Variants in MAP4K3 observed in about 807,000 individuals in gnomAD.
MAP4K3 encodes the protein MAPK/ERK kinase kinase kinase 3.
Under a neutral mutation model 143.5 loss-of-function variants are expected in MAP4K3, and 94 were observed. The observed-to-expected ratio is 0.65, with a 90% CI of 0.55 to 0.78. The LOEUF (loss-of-function observed/expected upper bound fraction) is 0.78, where lower values mean the gene tolerates loss of function less well. Among genes scored for constraint, MAP4K3 ranks in the 30% least tolerant of loss-of-function variants. The probability of loss-of-function intolerance (pLI) is 0.00; values close to 1 mark genes in which losing one functional copy is unlikely to be tolerated. For synonymous variants in MAP4K3, 416 were observed against 347.2 expected (o/e 1.20, Z -2.20); for missense variants, 1,077 against 1,068.1 (o/e 1.01, Z -0.12).
chr2:39,353,174 A>G (rs1162468739), intron 3 of MAP4K3, among the ~76,000 whole-genome samples: 1 of 152,148 alleles, frequency 6.6e-6, no homozygotes, highest in Admixed American at 6.5e-5. Context: ...TTTATACCCC[A>G]CTTCATTTTC....
chr2:39,330,649 A>T (rs78584721), intron 8 of MAP4K3, among the ~76,000 whole-genome samples: 7,944 of 152,150 alleles, frequency 0.052, 235 homozygotes, highest in African/African-American at 0.078. Context: ...AAAAACAAAA[A>T]CAAAAATAAA....
intron 32 of MAP4K3, among the ~76,000 whole-genome samples, chr2:39,252,866 A>G (rs1331357893): frequency 6.6e-6 from 1 of 152,178 alleles, no homozygotes; most frequent in Non-Finnish European, 1.5e-5. Context: ...GTGATTACCA[A>G]TATATTTTGG....
chr2:39,304,521 G>C (rs573107636), intron 15 of MAP4K3, among the ~76,000 whole-genome samples: 66 of 152,278 alleles, frequency 4.3e-4, no homozygotes, highest in African/African-American at 1.4e-3. Context: ...ATACCCATTA[G>C]GATAGCTATT....
At chr2:39,252,550 A>T (rs980284013) in intron 32 of MAP4K3, among the ~76,000 whole-genome samples, 6 of 152,228 alleles carry the variant, frequency 3.9e-5, no homozygotes, top group African/African-American at 1.4e-4. Flanking sequence ...ATATCCTTCA[A>T]GAAGTCCTCA....
At chr2:39,307,404 T>G (rs1263400489) in intron 15 of MAP4K3, among the ~76,000 whole-genome samples, 1 of 152,064 alleles carries the variant, frequency 6.6e-6, no homozygotes, top group Admixed American at 6.6e-5. Context: ...ATGATAGTAA[T>G]GCTGAAAAAT....
chr2:39,329,471 G>C (rs1316203625), intron 8 of MAP4K3, among the ~76,000 whole-genome samples: 2 of 152,140 alleles, frequency 1.3e-5, no homozygotes, highest in African/African-American at 4.8e-5. Context: ...CCAAGGAAAA[G>C]AACAACAACT....
intron 6 of MAP4K3, among the ~76,000 whole-genome samples, chr2:39,335,971 G>C (rs960420708): frequency 6.6e-6 from 1 of 151,934 alleles, no homozygotes; most frequent in African/African-American, 2.4e-5. Context: ...GAAAATGTTA[G>C]AAAACAAAAG....
chr2:39,299,912 T>A (rs1368549634), intron 15 of MAP4K3, 111 bp from the exon 16 acceptor site: 9 of 402,014 alleles, frequency 2.2e-5, no homozygotes, highest in Non-Finnish European at 8.9e-6. Context: ...GACCCCCAAA[T>A]AAATCTGTAT....
chr2:39,406,560 G>A (rs890971398), intron 1 of MAP4K3, among the ~76,000 whole-genome samples: 2 of 152,136 alleles, frequency 1.3e-5, no homozygotes, highest in African/African-American at 4.8e-5. Context: ...TACAGGCCAG[G>A]ATAGAGGGGA....
chr2:39,396,225 G>C (rs532374466), intron 1 of MAP4K3, among the ~76,000 whole-genome samples: 2 of 150,826 alleles, frequency 1.3e-5, no homozygotes, highest in South Asian at 4.2e-4. Flanking sequence ...TTTTAATGTA[G>C]AAATGGGGTC....
At chr2:39,378,567 G>A (rs905930072) in intron 1 of MAP4K3, among the ~76,000 whole-genome samples, 3 of 152,108 alleles carry the variant, frequency 2.0e-5, no homozygotes, top group African/African-American at 7.2e-5. Context: ...GAGCCTTTAA[G>A]TATTACACTG....
chr2:39,275,731 G>A (rs775984211), intron 24 of MAP4K3, among the ~76,000 whole-genome samples: 47 of 152,008 alleles, frequency 3.1e-4, no homozygotes, highest in Non-Finnish European at 5.9e-4. Flanking sequence ...ACCATTTCCA[G>A]ATTAAAAGAT....
At position 39,436,886 on chromosome 2, in the gene MAP4K3, C is replaced by G. The variant is rs761845058; in HGVS notation, c.96+6G>C. 6.2e-7 allele frequency: 1 copy of G among 1,606,612 alleles called. No homozygotes were observed. Among genetic ancestry groups the G allele is most frequent in the Non-Finnish European group, 8.5e-7 (1 of 1,177,204 alleles). Reference sequence around the variant, plus strand: ...GGCCTCGGCGGCGCGCGGCCCCTGCCTTTACCTTGTAGACGTCGCCGTAGG... The same window carrying G: ...GGCCTCGGCGGCGCGCGGCCCCTGCGTTTACCTTGTAGACGTCGCCGTAGG... On this transcript the variant is annotated splice_donor_region_variant and intron_variant, in intron 1 of 33. Transcript: ENST00000263881.
At chr2:39,305,529 T>C (rs1024040357) in intron 15 of MAP4K3, among the ~76,000 whole-genome samples, 6 of 152,252 alleles carry the variant, frequency 3.9e-5, no homozygotes, top group Admixed American at 6.5e-5. Flanking sequence ...TAAAAACCTC[T>C]AGATAAATGT....
At chr2:39,365,736 G>A (rs916213505) in intron 2 of MAP4K3, among the ~76,000 whole-genome samples, 3 of 152,080 alleles carry the variant, frequency 2.0e-5, no homozygotes, top group Non-Finnish European at 4.4e-5. Flanking sequence ...GAGCCACCGC[G>A]CCCGGCCCAT....
In MAP4K3 at chr2:39,278,443, G is replaced by C. The variant is rs148009263; in HGVS notation, c.1758C>G (p.Leu586=). ...ATGTTTCATGAAGTTCATTAAGATT[G>C]AGGGTATAAATCCCTTCTTCGGCAC... is the stretch of plus-strand genomic sequence containing the variant. ...IFGAEEGIYT[L]NLNELHETSM... is the part of the protein sequence containing the mutation. The change falls in exon 24 of 34, where the codon CTC becomes CTG. Residue 586 remains leucine (L), a synonymous_variant. Coordinates refer to ENST00000263881, the MANE Select transcript of MAP4K3 (RefSeq NM_003618.4). 2.5e-6 allele frequency: 4 copies of C among 1,599,146 alleles called. No homozygotes were observed. The highest frequency in any genetic ancestry group is 3.4e-6 in the Non-Finnish European group (4 of 1,171,906).
At chr2:39,343,347 A>C in intron 4 of MAP4K3, 41 bp downstream of exon 4, 5 of 1,366,642 alleles carry the variant, frequency 3.7e-6, no homozygotes, top group African/African-American at 1.4e-5. Flanking sequence ...TATTTTAAGA[A>C]ATTCAACCTA....
intron 19 of MAP4K3, among the ~76,000 whole-genome samples, chr2:39,289,843 G>C (rs982768401): frequency 6.6e-6 from 1 of 152,174 alleles, no homozygotes; most frequent in African/African-American, 2.4e-5. Context: ...CCACAACTTT[G>C]GGAGGCCAAG....
intron 3 of MAP4K3, among the ~76,000 whole-genome samples, chr2:39,350,581 T>C (rs1253281734): frequency 6.6e-6 from 1 of 152,156 alleles, no homozygotes; most frequent in Non-Finnish European, 1.5e-5. Flanking sequence ...GATCCAGTTG[T>C]TTCCCTTCTT....
Sources: gnomAD v4.1 joint callset for allele counts (sites outside exome capture counted in the v4.1 genomes callset) on GRCh38, gnomAD v4.1.1 for gene constraint, MANE v1.5 for transcripts, NCBI Gene and HGNC (gene_info 2026-07-23, HGNC 2026-07-21) for gene names.